The following PASK variants were observed in gnomAD, a reference collection of about 807,000 sequenced individuals.
PASK encodes PAS domain containing serine/threonine kinase.
In PASK, 110 loss-of-function variants were observed where a neutral mutation model predicts 121.0. That is an observed-to-expected ratio of 0.91 (90% CI 0.78 to 1.06). PASK has a LOEUF of 1.06. PASK is among the 50% of genes least tolerant of loss of function. The pLI is 0.00. For synonymous variants in PASK, 686 were observed against 717.8 expected (o/e 0.96, Z 0.71); for missense variants, 1,643 against 1,702.3 (o/e 0.97, Z 0.61).
intron 14 of PASK, chr2:241,113,602 G>A: frequency 6.6e-6 from 3 of 451,792 alleles, no homozygotes; most frequent in Non-Finnish European, 8.8e-6. Flanking sequence ...AATCAGTCAG[G>A]ATCCAATCAG....
chr2:241,137,172 C>T lies in PASK; in HGVS notation c.969G>A (p.Glu323=). ...LKLKSQPSSE[E]ATTGEAAPVS... The stretch of plus-strand genomic sequence containing the variant: ...CAGGGGCCGCCTCACCGGTGGTCGC[C>T]TCCTCGCTGCTGGGTTGGGATTTCA... Residue 323 remains glutamate (E), a synonymous_variant, in exon 7 of 18, where the codon GAG becomes GAA. Coordinates refer to ENST00000234040, the MANE Select transcript of PASK (RefSeq NM_015148.4). 6.2e-7 allele frequency: 1 copy of T among 1,613,060 alleles called. No homozygotes were observed. Among genetic ancestry groups the T allele is most frequent in the Non-Finnish European group, 8.5e-7 (1 of 1,179,274 alleles).
chr2:241,140,432 T>C (rs1009692750), intron 3 of PASK, 89 bp downstream of exon 3: 76 of 999,894 alleles, frequency 7.6e-5, no homozygotes, highest in South Asian at 1.8e-4. Context: ...AATGTTTTTC[T>C]AATTGCATTA....
In PASK at chr2:241,123,061, A is replaced by G. The variant is rs1016643541; in HGVS notation, c.2905-162T>C. ...TGCTCTCAGACAGGTCTGAAAGCCT[A>G]TCTCCACAGGGCACCCCAAGCAGCC... On this transcript the variant is annotated intron_variant, in intron 11 of 17. Transcript: ENST00000234040. 2.6e-5 allele frequency among the ~76,000 whole-genome samples: 4 copies of G among 152,108 alleles called. No homozygotes were observed. The East Asian group carries it at 7.7e-4, about 29-fold the overall frequency.
intron 9 of PASK, among the ~76,000 whole-genome samples, chr2:241,132,233 A>G (rs1039182096): frequency 1.3e-5 from 2 of 152,074 alleles, no homozygotes; most frequent in Non-Finnish European, 2.9e-5. Context: ...ATGTGCAAAG[A>G]GAACAGCTTC....
At chr2:241,114,752 T>A (rs2065254083) in intron 14 of PASK, 1 of 1,393,808 alleles carries the variant, frequency 7.2e-7, no homozygotes, top group Non-Finnish European at 9.3e-7. Context: ...GGTTAATTTT[T>A]ATGATTGTTG....
intron 9 of PASK, among the ~76,000 whole-genome samples, chr2:241,128,900 G>T (rs2065996821): frequency 6.6e-6 from 1 of 151,972 alleles, no homozygotes; most frequent in Non-Finnish European, 1.5e-5. Flanking sequence ...ACAACCCAAG[G>T]GTGGGTTCCA....
intron 1 of PASK, among the ~76,000 whole-genome samples, chr2:241,145,362 A>G (rs1005535311): frequency 6.6e-6 from 1 of 152,026 alleles, no homozygotes; most frequent in African/African-American, 2.4e-5. Flanking sequence ...CGTGGCCTGC[A>G]CCTATAGTCC....
At chr2:241,116,968 G>A (rs1387734448) in intron 12 of PASK, among the ~76,000 whole-genome samples, 1 of 152,230 alleles carries the variant, frequency 6.6e-6, no homozygotes, top group Non-Finnish European at 1.5e-5. Context: ...TAGGGAGTGA[G>A]TCCCGGGAAG....
At position 241,126,661 on chromosome 2, in the gene PASK, T is replaced by C. The variant is rs1464333787; in HGVS notation, c.2254A>G (p.Thr752Ala). ...NLKELFFSDQ[T>A]DQTSSNCSCA... ...GAACAATTTGATGACGTTTGGTCTG[T>C]CTGGTCACTGAAAAAGAGTTCCTTG... is the stretch of plus-strand genomic sequence containing the variant. The change falls in exon 10 of 18, where the codon ACA (threonine) becomes GCA (alanine). Residue 752 changes from threonine (T) to alanine (A), a missense_variant. By Grantham distance (58) the Thr-to-Ala change is moderately conservative. This residue lies in a region of PASK where 1,176 missense variants were observed against 1,162.2 expected (regional missense o/e 1.01). Transcript: ENST00000234040. 6.2e-7 allele frequency: 1 copy of C among 1,614,102 alleles called. No homozygotes were observed. The highest frequency in any genetic ancestry group is 1.7e-5 in the Admixed American group (1 of 60,014).
In PASK at chr2:241,126,587, G is replaced by A. The variant is rs1200944850; in HGVS notation, c.2328C>T (p.Gly776=). 3 of 1,614,220 alleles carry A rather than the reference G, an allele frequency of 1.9e-6. No homozygotes were observed. The highest frequency in any genetic ancestry group is 2.5e-6 in the Non-Finnish European group (3 of 1,180,034). ...GGAGACTGCCTACATCTGGATCGGA[G>A]CCCACTGCCAAGGAAGAGGGTGTCT... is the stretch of plus-strand genomic sequence containing the variant. ...LRETPSSLAV[G]SDPDVGSLQE... is the part of the protein sequence containing the mutation. Residue 776 remains glycine (G), a synonymous_variant, in exon 10 of 18, where the codon GGC becomes GGT. Coordinates refer to ENST00000234040, the MANE Select transcript of PASK (RefSeq NM_015148.4).
At chr2:241,115,003 G>C in intron 14 of PASK, 40 bp downstream of exon 14, 1 of 1,613,870 alleles carries the variant, frequency 6.2e-7, no homozygotes. Context: ...CAGGCACCCA[G>C]GCCTGCGTTC....
chr2:241,118,903 C>G, intron 12 of PASK: 1 of 1,030,416 alleles, frequency 9.7e-7, no homozygotes, highest in Non-Finnish European at 1.2e-6. Context: ...CAGCTGGCTG[C>G]CGAGATCTTC....
chr2:241,144,227 A>G (rs572063289), intron 1 of PASK, among the ~76,000 whole-genome samples: 1 of 152,316 alleles, frequency 6.6e-6, no homozygotes, highest in East Asian at 1.9e-4. Context: ...CACCCTGCAG[A>G]GTGGAGATAC....
chr2:241,143,200 G>C, intron 1 of PASK, 126 bp from the exon 2 acceptor site: 1 of 672,944 alleles, frequency 1.5e-6, no homozygotes, highest in South Asian at 1.7e-5. Flanking sequence ...CGCCATCCTG[G>C]GTCAGAACCC....
intron 12 of PASK, among the ~76,000 whole-genome samples, chr2:241,115,681 A>G (rs796780899): frequency 7.2e-5 from 9 of 125,688 alleles, no homozygotes; most frequent in East Asian, 5.1e-4. Context: ...CCATTACACC[A>G]GGGCCACCCA....
chr2:241,138,109 TATC>T, intron 5 of PASK, 22 bp from the exon 6 acceptor site: 1 of 1,613,234 alleles, frequency 6.2e-7, no homozygotes. Context: ...GCCCCGTGCT[TATC>T]ATAAAAGCTT....
rs7565099 is a variant in PASK, at chr2:241,144,125, T to C, written c.-42-1051A>G. 3.5e-3 allele frequency among the ~76,000 whole-genome samples: 527 copies of C among 152,092 alleles called. 5 individuals carry two copies. The highest frequency in any genetic ancestry group is 0.011 in the African/African-American group (472 of 41,464). On this transcript the variant is annotated intron_variant, in intron 1 of 17. Transcript: ENST00000234040. ...GTGCGTGTGTGTCCGTGCGTGTGTG[T>C]GCGTGTGCACATGTGTACATGAGCG... is the stretch of plus-strand genomic sequence containing the variant.
At chr2:241,134,603 CAGTGA>C (rs1270553435) in intron 8 of PASK, 1 of 152,230 alleles carries the variant, frequency 6.6e-6, no homozygotes, top group Non-Finnish European at 1.5e-5. Flanking sequence ...TAGTTTTTCT[CAGTGA>C]CTGTATTAAA....
chr2:241,142,753 G>T (rs984436974), intron 2 of PASK, 84 bp downstream of exon 2: 63 of 1,068,642 alleles, frequency 5.9e-5, no homozygotes, highest in Non-Finnish European at 8.7e-5. Flanking sequence ...TCAATCCCTG[G>T]TGAGAGGGTT....
Sources: gnomAD v4.1 joint callset for allele counts (sites outside exome capture counted in the v4.1 genomes callset) on GRCh38, gnomAD v4.1.1 for gene constraint, gnomAD v4.1.1 regional missense constraint, MANE v1.5 for transcripts, NCBI Gene and HGNC (gene_info 2026-07-23, HGNC 2026-07-21) for gene names.